Variants in NLGN4X observed in about 807,000 individuals in gnomAD.
NLGN4X encodes the protein neuroligin-4, X-linked.
In NLGN4X, 3 loss-of-function variants were observed where a neutral mutation model predicts 40.3. The observed-to-expected ratio is 0.07, with a 90% CI of 0.03 to 0.19. The LOEUF (loss-of-function observed/expected upper bound fraction) is 0.19, where lower values mean the gene tolerates loss of function less well. Ranked by LOEUF, NLGN4X falls within the 10% of genes least tolerant of loss-of-function variation. The pLI is 1.00. For synonymous variants in NLGN4X, 270 were observed against 306.8 expected (o/e 0.88, Z 1.25); for missense variants, 382 against 708.3 (o/e 0.54, Z 5.23).
intron 2 of NLGN4X, among the ~76,000 whole-genome samples, chrX:6,130,812 C>T (rs1341563001): frequency 8.9e-6 from 1 of 111,771 alleles, no homozygotes; most frequent in Non-Finnish European, 1.9e-5. Flanking sequence ...GTAATGAGCA[C>T]GGATTAATCC....
intron 2 of NLGN4X, among the ~76,000 whole-genome samples, chrX:6,088,812 T>A (rs1340432942): frequency 2.7e-5 from 3 of 112,130 alleles, no homozygotes; most frequent in African/African-American, 9.7e-5. Context: ...TTCATATGAA[T>A]ATACATTCCT....
intron 3 of NLGN4X, among the ~76,000 whole-genome samples, chrX:5,986,027 A>G (rs776154357): frequency 8.9e-6 from 1 of 112,153 alleles, no homozygotes; most frequent in South Asian, 3.6e-4. Flanking sequence ...AAAAGATTTT[A>G]AAACATCCAT....
At chrX:6,226,519 A>T (rs1926349244) in intron 1 of NLGN4X, 1 of 111,555 alleles carries the variant, frequency 9.0e-6, no homozygotes, top group Non-Finnish European at 1.9e-5. Flanking sequence ...GGCGGCGAGC[A>T]GGCGCCGGAA....
chrX:5,907,806 T>C (rs1275780125), intron 4 of NLGN4X, among the ~76,000 whole-genome samples: 2 of 105,600 alleles, frequency 1.9e-5, no homozygotes, highest in African/African-American at 3.5e-5. Flanking sequence ...GGACACTCCC[T>C]AGTGCTGCAT....
At chrX:5,954,289 A>G (rs1490630740) in intron 3 of NLGN4X, among the ~76,000 whole-genome samples, 1 of 109,754 alleles carries the variant, frequency 9.1e-6, no homozygotes, top group African/African-American at 3.3e-5. Flanking sequence ...CAGTGGTGCA[A>G]TCACAGCTCA....
chrX:6,094,432 T>C lies in NLGN4X; in HGVS notation c.472+56563A>G, dbSNP rs115067897. ...TCTATTCATATGCACTTCTGGCTTC[T>C]GGACTCTCTATTCTGTCCCACTGTT... On this transcript the variant is annotated intron_variant, in intron 2 of 5. Coordinates refer to ENST00000381095, the MANE Select transcript of NLGN4X (RefSeq NM_181332.3). 4.1e-3 allele frequency among the ~76,000 whole-genome samples: 457 copies of C among 110,862 alleles called. 5 individuals are homozygous for C. The highest frequency in any genetic ancestry group is 0.014 in the African/African-American group (426 of 30,503).
chrX:5,936,673 G>A (rs1204463256), intron 3 of NLGN4X, among the ~76,000 whole-genome samples: 1 of 112,012 alleles, frequency 8.9e-6, no homozygotes, highest in East Asian at 2.8e-4. Flanking sequence ...CAAATTGCAC[G>A]CACAGCTAAG....
chrX:6,107,048 G>A lies in NLGN4X; in HGVS notation c.472+43947C>T, dbSNP rs137903680. 5.4e-3 allele frequency among the ~76,000 whole-genome samples: 612 copies of A among 112,454 alleles called. 8 individuals are homozygous for A. The highest frequency in any genetic ancestry group is 0.048 in the Admixed American group (513 of 10,601). Reference sequence around the variant, plus strand: ...GCTTTATTCTTTCTTTACCAATATAGACATGGTCTCATTGATTTGTGGACA... The same window carrying A: ...GCTTTATTCTTTCTTTACCAATATAAACATGGTCTCATTGATTTGTGGACA... On this transcript the variant is annotated intron_variant, in intron 2 of 5. Transcript: ENST00000381095.
chrX:6,021,038 CTCTCTCTCT>C (rs2036524453), intron 3 of NLGN4X, among the ~76,000 whole-genome samples: 2 of 23,547 alleles, frequency 8.5e-5, no homozygotes, highest in Non-Finnish European at 1.5e-4. Flanking sequence ...CTCTCTCTCT[CTCTCTCTCT>C]CCCTCCCTCC....
At chrX:6,204,642 A>T (rs1271409624) in intron 1 of NLGN4X, among the ~76,000 whole-genome samples, 1 of 111,434 alleles carries the variant, frequency 9.0e-6, no homozygotes, top group Non-Finnish European at 1.9e-5. Context: ...TAGTTCTAAA[A>T]GAGTGATCCC....
chrX:6,097,684 C>G (rs1174689106), intron 2 of NLGN4X, among the ~76,000 whole-genome samples: 2 of 111,642 alleles, frequency 1.8e-5, no homozygotes, highest in African/African-American at 3.3e-5. Context: ...TAAAACAATG[C>G]CTTTATCACA....
intron 3 of NLGN4X, among the ~76,000 whole-genome samples, chrX:6,022,726 A>C (rs944347914): frequency 9.0e-6 from 1 of 111,726 alleles, no homozygotes; most frequent in Non-Finnish European, 1.9e-5. Context: ...TCACAAAAGC[A>C]TAAAGGTGAG....
At chrX:5,977,520 C>A (rs753003042) in intron 3 of NLGN4X, among the ~76,000 whole-genome samples, 11 of 111,265 alleles carry the variant, frequency 9.9e-5, no homozygotes, top group Admixed American at 3.8e-4. Context: ...CTGTGTCCAG[C>A]CACTTATTAT....
At chrX:5,962,913 G>A (rs1180582962) in intron 3 of NLGN4X, among the ~76,000 whole-genome samples, 3 of 109,932 alleles carry the variant, frequency 2.7e-5, no homozygotes, top group Non-Finnish European at 5.7e-5. Flanking sequence ...AGAAATAAAT[G>A]TCTGTTGTTT....
chrX:6,066,280 A>G (rs1244517920), intron 2 of NLGN4X, among the ~76,000 whole-genome samples: 1 of 111,876 alleles, frequency 8.9e-6, no homozygotes, highest in Non-Finnish European at 1.9e-5. Context: ...ATTCTTCTCA[A>G]TCTTCCATGT....
chrX:6,209,030 T>C (rs1602424345), intron 1 of NLGN4X, among the ~76,000 whole-genome samples: 1 of 112,302 alleles, frequency 8.9e-6, no homozygotes, highest in African/African-American at 3.2e-5. Flanking sequence ...TATATATGAA[T>C]AACGAAATAT....
chrX:6,146,595 A>G (rs1331004179), intron 2 of NLGN4X, among the ~76,000 whole-genome samples: 5 of 110,837 alleles, frequency 4.5e-5, no homozygotes, highest in Non-Finnish European at 7.6e-5. Flanking sequence ...CATAGTATTC[A>G]AAGAGTCAGG....
chrX:5,968,611 T>A (rs532982213), intron 3 of NLGN4X, among the ~76,000 whole-genome samples: 2 of 104,777 alleles, frequency 1.9e-5, no homozygotes, highest in South Asian at 9.2e-4. Flanking sequence ...CCTAAACAGT[T>A]TATAAAATCT....
At chrX:6,006,067 T>G (rs779473438) in intron 3 of NLGN4X, among the ~76,000 whole-genome samples, 1 of 111,535 alleles carries the variant, frequency 9.0e-6, no homozygotes, top group Non-Finnish European at 1.9e-5. Flanking sequence ...TTAATCTGCC[T>G]TTTTAAGTTG....
Sources: allele counts gnomAD v4.1 joint callset (sites outside exome capture counted in the v4.1 genomes callset), GRCh38; gene constraint gnomAD v4.1.1; transcripts MANE v1.5; gene names NCBI Gene and HGNC (gene_info 2026-07-23, HGNC 2026-07-21).